DPP6: variants seen among roughly 807,000 people sequenced by gnomAD.
DPP6 encodes the protein dipeptidyl peptidase like 6, also known as A-type potassium channel modulatory protein DPP6.
DPP6 carries 69 observed loss-of-function variants against 122.6 expected under a neutral mutation model. The ratio of observed to expected loss-of-function variants is 0.56; its 90% CI spans 0.46 to 0.69. DPP6 has a LOEUF of 0.69. DPP6 is among the 30% of genes least tolerant of loss of function. DPP6 has a pLI of 0.00. For missense variants in DPP6, 928 were observed against 1,116.9 expected, an observed-to-expected ratio of 0.83 and a Z score of 2.41; for synonymous variants, 418 against 433.1, an observed-to-expected ratio of 0.97 and a Z score of 0.43.
intron 1 of DPP6, among the ~76,000 whole-genome samples, chr7:154,365,342 C>T (rs2151106428): frequency 6.6e-6 from 1 of 152,288 alleles, no homozygotes. Flanking sequence ...AATCATGATA[C>T]GGATTTAGTA....
At chr7:154,407,265 T>C (rs1038880268) in intron 1 of DPP6, among the ~76,000 whole-genome samples, 5 of 152,212 alleles carry the variant, frequency 3.3e-5, no homozygotes, top group South Asian at 2.1e-4. Flanking sequence ...GTCTTCCCTG[T>C]TCTGAACCAT....
chr7:154,107,170 A>G (rs540337984), intron 1 of DPP6, among the ~76,000 whole-genome samples: 354 of 152,306 alleles, frequency 2.3e-3, no homozygotes, highest in African/African-American at 7.9e-3. Flanking sequence ...GATGGCCAGG[A>G]TATGGAAACA....
intron 1 of DPP6, among the ~76,000 whole-genome samples, chr7:153,918,460 A>ACTCT (rs752963261): frequency 6.8e-5 from 6 of 88,668 alleles, no homozygotes; most frequent in African/African-American, 2.3e-4. Flanking sequence ...ACACACACAC[A>ACTCT]CACACACTCT....
intron 1 of DPP6, among the ~76,000 whole-genome samples, chr7:154,290,647 CAA>C (rs36088986): frequency 1.3e-4 from 17 of 133,902 alleles, no homozygotes; most frequent in Non-Finnish European, 1.3e-4. Flanking sequence ...ACTCTGTCTC[CAA>C]AAAAAAAAAA....
chr7:154,508,724 T>C (rs1480002038), intron 3 of DPP6, among the ~76,000 whole-genome samples: 1 of 152,190 alleles, frequency 6.6e-6, no homozygotes, highest in Non-Finnish European at 1.5e-5. Flanking sequence ...GTAGTCTGGT[T>C]GAAGGCTAAG....
At chr7:154,066,846 G>A (rs539419260) in intron 1 of DPP6, among the ~76,000 whole-genome samples, 59 of 152,262 alleles carry the variant, frequency 3.9e-4, no homozygotes, top group Admixed American at 2.0e-3. Context: ...AGGCATGTGA[G>A]CAAATAAATG....
chr7:154,402,882 C>T (rs1815758850), intron 1 of DPP6, among the ~76,000 whole-genome samples: 1 of 152,104 alleles, frequency 6.6e-6, no homozygotes, highest in African/African-American at 2.4e-5. Flanking sequence ...AAAGGAAAGA[C>T]CCTTAAATAA....
At position 154,885,942 on chromosome 7, in the gene DPP6, A is replaced by G. The variant is rs78694284; in HGVS notation, c.2245+198A>G. ...GGTCTCAGGTAATATGTTTTGAATG[A>G]AAGTGGTCAATCCCCAGATGCCTAC... On this transcript the variant is annotated intron_variant, in intron 22 of 25. Coordinates refer to ENST00000377770, the MANE Select transcript of DPP6 (RefSeq NM_130797.4). Among the ~76,000 whole-genome samples, 5,007 of 152,328 alleles carry G rather than the reference A, an allele frequency of 0.033. 136 individuals carry two copies. The highest frequency in any genetic ancestry group is 0.06 in the East Asian group (311 of 5,166).
At chr7:154,584,865 T>C (rs1450944992) in intron 5 of DPP6, among the ~76,000 whole-genome samples, 1 of 152,242 alleles carries the variant, frequency 6.6e-6, no homozygotes, top group African/African-American at 2.4e-5. Flanking sequence ...TCATTTTAAA[T>C]GTCTTCCTGA....
the DPP6 span, among the ~76,000 whole-genome samples, chr7:153,753,299 A>C: frequency 1.6e-4 from 25 of 152,230 alleles, no homozygotes; most frequent in Admixed American, 1.1e-3. Flanking sequence ...ATTTTCAAAA[A>C]TATTTTTACA....
At chr7:154,374,501 AC>A (rs1812946844) in intron 1 of DPP6, among the ~76,000 whole-genome samples, 1 of 152,104 alleles carries the variant, frequency 6.6e-6, no homozygotes, top group African/African-American at 2.4e-5. Flanking sequence ...CCCGATGGCA[AC>A]CGTGTTCACT....
At chr7:154,000,586 G>T (rs1227779609) in intron 1 of DPP6, among the ~76,000 whole-genome samples, 1 of 152,212 alleles carries the variant, frequency 6.6e-6, no homozygotes, top group African/African-American at 2.4e-5. Context: ...GAGTACAGAG[G>T]TTCCAGTCTC....
chr7:154,362,072 A>C (rs1434305980), intron 1 of DPP6, among the ~76,000 whole-genome samples: 2 of 152,228 alleles, frequency 1.3e-5, no homozygotes, highest in Admixed American at 1.3e-4. Flanking sequence ...AACATTGTTG[A>C]GGAGTATCTA....
At chr7:153,924,134 C>G (rs566446347) in intron 1 of DPP6, among the ~76,000 whole-genome samples, 1 of 143,748 alleles carries the variant, frequency 7.0e-6, no homozygotes, top group Admixed American at 6.9e-5. Context: ...TTTTTTTTTT[C>G]GAGACGGAGT....
At chr7:154,573,928 T>C (rs1433086662) in intron 5 of DPP6, among the ~76,000 whole-genome samples, 3 of 152,238 alleles carry the variant, frequency 2.0e-5, no homozygotes, top group Non-Finnish European at 4.4e-5. Context: ...AGAGATTGTT[T>C]CTGTTGTGGA....
chr7:153,983,871 T>C (rs886226353), intron 1 of DPP6, among the ~76,000 whole-genome samples: 2 of 152,080 alleles, frequency 1.3e-5, no homozygotes, highest in Non-Finnish European at 2.9e-5. Flanking sequence ...CTCCATGGGC[T>C]GCACCCACTG....
chr7:154,533,759 A>T (rs4632973), intron 3 of DPP6, among the ~76,000 whole-genome samples: 27,752 of 152,122 alleles, frequency 0.18, 2,977 homozygotes, highest in Non-Finnish European at 0.24. Context: ...GCACTTTGAG[A>T]GGCTGAGGCA....
At chr7:154,233,997 T>C (rs1801057702) in intron 1 of DPP6, among the ~76,000 whole-genome samples, 1 of 152,166 alleles carries the variant, frequency 6.6e-6, no homozygotes, top group Admixed American at 6.5e-5. Flanking sequence ...GGGGTTGGTC[T>C]GAAGAGAAAG....
At chr7:154,842,354 T>C (rs1382651342) in intron 16 of DPP6, among the ~76,000 whole-genome samples, 1 of 152,246 alleles carries the variant, frequency 6.6e-6, no homozygotes, top group Non-Finnish European at 1.5e-5. Context: ...ACAAGCCCTG[T>C]CTTTATGAAT....
Sources: allele counts gnomAD v4.1 joint callset (sites outside exome capture counted in the v4.1 genomes callset), GRCh38; gene constraint gnomAD v4.1.1; transcripts MANE v1.5; gene names NCBI Gene and HGNC (gene_info 2026-07-23, HGNC 2026-07-21).